TGFA: variants seen among roughly 807,000 people sequenced by gnomAD.
The protein encoded by TGFA is protransforming growth factor alpha.
Under a neutral mutation model 21.7 loss-of-function variants are expected in TGFA, and 12 were observed. That is an observed-to-expected ratio of 0.55 (90% confidence interval 0.35 to 0.90). TGFA has a LOEUF of 0.90. Among genes scored for constraint, TGFA ranks in the 40% least tolerant of loss-of-function variants. The probability of loss-of-function intolerance (pLI) is 0.01; values close to 1 mark genes in which losing one functional copy is unlikely to be tolerated. For missense variants in TGFA, 178 were observed against 210.8 expected (o/e 0.84, Z 0.96); for synonymous variants, 79 against 88.1 (o/e 0.90, Z 0.58).
At chr2:70,520,342 C>T (rs183053134) in intron 1 of TGFA, among the ~76,000 whole-genome samples, 132 of 152,042 alleles carry the variant, frequency 8.7e-4, no homozygotes, top group Non-Finnish European at 9.6e-4. Context: ...TTGTGAAACC[C>T]GGACTCCACT....
At chr2:70,504,471 T>TATATATAC (rs1671852460) in intron 2 of TGFA, among the ~76,000 whole-genome samples, 2 of 87,164 alleles carry the variant, frequency 2.3e-5, no homozygotes, top group Non-Finnish European at 4.7e-5. Context: ...TATACACACA[T>TATATATAC]ACATACATAC....
At chr2:70,521,446 T>A (rs559079332) in intron 1 of TGFA, among the ~76,000 whole-genome samples, 14 of 152,258 alleles carry the variant, frequency 9.2e-5, no homozygotes, top group African/African-American at 3.4e-4. Context: ...TGCCTGAGCC[T>A]CAGTTTCCTT....
chr2:70,502,139 T>C (rs554565172), intron 2 of TGFA, among the ~76,000 whole-genome samples: 1 of 152,294 alleles, frequency 6.6e-6, no homozygotes, highest in African/African-American at 2.4e-5. Flanking sequence ...TCCTCCTGAA[T>C]CTTGTTGCTG....
At chr2:70,489,092 T>C (rs989505083) in intron 2 of TGFA, among the ~76,000 whole-genome samples, 10 of 152,180 alleles carry the variant, frequency 6.6e-5, no homozygotes, top group African/African-American at 2.4e-4. Context: ...TCACTCTAGA[T>C]GACTTTGGCC....
At chr2:70,487,547 CTG>C (rs1428311243) in intron 2 of TGFA, among the ~76,000 whole-genome samples, 1 of 152,138 alleles carries the variant, frequency 6.6e-6, no homozygotes, top group Non-Finnish European at 1.5e-5. Context: ...TGTATTCTAA[CTG>C]TGACCACATG....
At chr2:70,486,077 C>A (rs555973385) in intron 2 of TGFA, among the ~76,000 whole-genome samples, 3 of 152,310 alleles carry the variant, frequency 2.0e-5, no homozygotes, top group African/African-American at 7.2e-5. Flanking sequence ...TCCTAGCCTG[C>A]TACATCAGGA....
chr2:70,531,274 C>T (rs2103904170), intron 1 of TGFA, among the ~76,000 whole-genome samples: 1 of 152,282 alleles, frequency 6.6e-6, no homozygotes, highest in East Asian at 1.9e-4. Context: ...GGCAGACACC[C>T]CAGTGTGTCC....
intron 1 of TGFA, among the ~76,000 whole-genome samples, chr2:70,516,808 C>T (rs868976806): frequency 2.0e-4 from 31 of 152,174 alleles, no homozygotes; most frequent in African/African-American, 7.0e-4. Context: ...TAATAGTGTT[C>T]AAGGATGACA....
In TGFA at chr2:70,553,775, G is replaced by A; in HGVS notation, c.-8C>T. 3 of 1,279,302 alleles carry A rather than the reference G, an allele frequency of 2.3e-6. No homozygotes were observed. The highest frequency in any genetic ancestry group is 3.0e-6 in the Non-Finnish European group (3 of 1,005,966). 79.2% of individuals were successfully genotyped at this position (1,279,302 alleles called of 1,614,324 possible). A position where few individuals can be genotyped will look rare whatever the true frequency, so the allele number is the denominator to read the frequency against. ...TCCAGCCGAGGGGACCATTTTACGG[G>A]CGGGCGGGCAGCAGGCTCTCCAGCC... On this transcript the variant is annotated 5_prime_UTR_variant, in exon 1 of 6. Transcript: ENST00000295400.
At chr2:70,553,229 C>A (rs782412710) in intron 1 of TGFA, 56 of 1,536,186 alleles carry the variant, frequency 3.6e-5, no homozygotes, top group Non-Finnish European at 4.8e-5. Context: ...GCGCCTCTGC[C>A]GATCTTGAAC....
At chr2:70,456,226 G>A in intron 4 of TGFA, 113 bp downstream of exon 4, 2 of 1,363,590 alleles carry the variant, frequency 1.5e-6, no homozygotes, top group Non-Finnish European at 2.0e-6. Context: ...ACAGCACTCA[G>A]ACATCCCAGA....
chr2:70,517,922 C>T (rs1210445267), intron 1 of TGFA, among the ~76,000 whole-genome samples: 2 of 152,262 alleles, frequency 1.3e-5, no homozygotes, highest in Non-Finnish European at 2.9e-5. Flanking sequence ...GGTATGAGCA[C>T]CCAGGCTCAC....
intron 1 of TGFA, among the ~76,000 whole-genome samples, chr2:70,552,947 G>C (rs1331532076): frequency 6.6e-6 from 1 of 152,218 alleles, no homozygotes; most frequent in Admixed American, 6.5e-5. Context: ...ACCGCGTCCA[G>C]ACAGACCCTT....
chr2:70,450,795 C>T lies in TGFA; in HGVS notation c.*64G>A. The T allele has an allele frequency of 6.3e-7, 1 of 1,583,986 alleles. No homozygotes were observed. Among genetic ancestry groups the T allele is most frequent in the Non-Finnish European group, 8.6e-7 (1 of 1,160,578 alleles). Reference sequence around the variant, plus strand: ...CCCAGGCATCTCTGGCAGTGCTGTCCTGAAGAAGCCTTTCTTTATTGATCT... The same window carrying T: ...CCCAGGCATCTCTGGCAGTGCTGTCTTGAAGAAGCCTTTCTTTATTGATCT... On this transcript the variant is annotated 3_prime_UTR_variant, in exon 6 of 6. Transcript: ENST00000295400.
rs1669950180 is a variant in TGFA, at chr2:70,448,371, CG to C, written c.*2487del. 2 of 152,138 alleles carry C rather than the reference CG, an allele frequency of 1.3e-5. No individual in the cohort carries two copies. Among genetic ancestry groups the C allele is most frequent in the South Asian group, 4.2e-4 (2 of 4,818 alleles). The allele number at this position is 152,138 out of a possible 1,614,324, so 9.4% of individuals were successfully genotyped here. A position where few individuals can be genotyped will look rare whatever the true frequency, so the allele number is the denominator to read the frequency against. Reference sequence around the variant, plus strand: ...TTGTCTCCTGAGCCATTGGAAACAGCGATGCTCCCCACTGCCAGGTGTGTGG... The same window carrying C: ...TTGTCTCCTGAGCCATTGGAAACAGCATGCTCCCCACTGCCAGGTGTGTGG... On this transcript the variant is annotated 3_prime_UTR_variant, in exon 6 of 6. Coordinates refer to ENST00000295400, the MANE Select transcript of TGFA (RefSeq NM_003236.4).
chr2:70,452,891 C>T (rs551043023), intron 5 of TGFA, among the ~76,000 whole-genome samples: 34 of 152,136 alleles, frequency 2.2e-4, no homozygotes, highest in Non-Finnish European at 3.7e-4. Flanking sequence ...TGCAGTGAGC[C>T]GAGATCACGC....
intron 1 of TGFA, among the ~76,000 whole-genome samples, chr2:70,537,657 C>T (rs1433286508): frequency 1.3e-5 from 2 of 152,126 alleles, no homozygotes; most frequent in African/African-American, 2.4e-5. Context: ...CAGAGTAAGC[C>T]CCTAGTTCTT....
chr2:70,550,411 A>G (rs781835142), intron 1 of TGFA, among the ~76,000 whole-genome samples: 5 of 151,676 alleles, frequency 3.3e-5, no homozygotes, highest in Non-Finnish European at 5.9e-5. Flanking sequence ...TCCATAAACA[A>G]CTGATCGTTG....
At chr2:70,521,123 A>G (rs1053303662) in intron 1 of TGFA, among the ~76,000 whole-genome samples, 5 of 152,024 alleles carry the variant, frequency 3.3e-5, no homozygotes, top group Non-Finnish European at 5.9e-5. Flanking sequence ...TGCTCCTACT[A>G]CTAGACTGAC....
Sources: gnomAD v4.1 joint callset for allele counts (sites outside exome capture counted in the v4.1 genomes callset) on GRCh38, gnomAD v4.1.1 for gene constraint, MANE v1.5 for transcripts, NCBI Gene and HGNC (gene_info 2026-07-23, HGNC 2026-07-21) for gene names.